Variants in TRIO observed in about 807,000 individuals in gnomAD.
TRIO encodes trio Rho guanine nucleotide exchange factor, also known as triple functional domain protein.
In TRIO, 58 loss-of-function variants were observed where a neutral mutation model predicts 351.9. The ratio of observed to expected loss-of-function variants is 0.16; its 90% confidence interval spans 0.13 to 0.21. TRIO has a LOEUF of 0.21. Ranked by LOEUF, TRIO falls within the 10% of genes least tolerant of loss-of-function variation. The pLI is 1.00. For synonymous variants in TRIO, 1,758 were observed against 1,595.7 expected (o/e 1.10, Z -2.42); for missense variants, 3,201 against 4,027.8 (o/e 0.79, Z 5.56).
intron 9 of TRIO, among the ~76,000 whole-genome samples, chr5:14,330,469 C>T (rs1359323726): frequency 6.6e-6 from 1 of 152,052 alleles, no homozygotes; most frequent in Non-Finnish European, 1.5e-5. Flanking sequence ...GTTTGGTGGC[C>T]CAGTGGTGCA....
chr5:14,317,292 C>T (rs1346059195), intron 9 of TRIO, among the ~76,000 whole-genome samples: 3 of 152,116 alleles, frequency 2.0e-5, no homozygotes, highest in Non-Finnish European at 2.9e-5. Context: ...TGTTTTGCTT[C>T]CTTATTATAG....
At chr5:14,228,843 C>T (rs1182095603) in intron 1 of TRIO, among the ~76,000 whole-genome samples, 1 of 151,940 alleles carries the variant, frequency 6.6e-6, no homozygotes. Flanking sequence ...TGCACTCCAG[C>T]CTGGGTGACA....
At chr5:14,282,652 C>T (rs1204350321) in intron 3 of TRIO, among the ~76,000 whole-genome samples, 1 of 152,130 alleles carries the variant, frequency 6.6e-6, no homozygotes, top group Non-Finnish European at 1.5e-5. Flanking sequence ...TACCCTTCAC[C>T]CAGCTTCAGC....
At chr5:14,422,370 G>T (rs1221767227) in intron 34 of TRIO, among the ~76,000 whole-genome samples, 1 of 152,210 alleles carries the variant, frequency 6.6e-6, no homozygotes, top group African/African-American at 2.4e-5. Flanking sequence ...CCTTCATTCA[G>T]TTCTAGTGTC....
At chr5:14,260,285 CTT>C (rs1014602117) in intron 1 of TRIO, among the ~76,000 whole-genome samples, 2 of 152,196 alleles carry the variant, frequency 1.3e-5, no homozygotes, top group African/African-American at 4.8e-5. Context: ...ATCTATATCT[CTT>C]TACACATAAC....
intron 33 of TRIO, 117 bp downstream of exon 33, chr5:14,406,789 G>A (rs1748758085): frequency 7.2e-6 from 7 of 973,046 alleles, no homozygotes; most frequent in African/African-American, 1.6e-5. Context: ...CAGTTGATAC[G>A]TGCCAGGAGT....
intron 1 of TRIO, among the ~76,000 whole-genome samples, chr5:14,201,849 T>A (rs1035517343): frequency 1.4e-4 from 22 of 152,150 alleles, no homozygotes; most frequent in Middle Eastern, 6.8e-3. Flanking sequence ...TCATGTTTAC[T>A]TGGCTTTGAC....
At chr5:14,432,319 C>T (rs1425293106) in intron 34 of TRIO, among the ~76,000 whole-genome samples, 2 of 152,252 alleles carry the variant, frequency 1.3e-5, no homozygotes, top group Non-Finnish European at 2.9e-5. Flanking sequence ...AGCCACTGTA[C>T]ATACTGCTGT....
At chr5:14,358,464 CTAG>C in intron 12 of TRIO, 117 bp downstream of exon 12, 9 of 1,189,326 alleles carry the variant, frequency 7.6e-6, no homozygotes, top group Non-Finnish European at 9.3e-6. Flanking sequence ...GAGTGCAGAG[CTAG>C]TAGTGTCTGT....
intron 31 of TRIO, among the ~76,000 whole-genome samples, chr5:14,403,892 A>G (rs1430103679): frequency 7.3e-5 from 3 of 41,194 alleles, no homozygotes; most frequent in Admixed American, 2.6e-4. Flanking sequence ...GGTGGTGGTG[A>G]GGGTGCAGGT....
chr5:14,346,872 G>C (rs1288337391), intron 11 of TRIO, among the ~76,000 whole-genome samples: 1 of 152,206 alleles, frequency 6.6e-6, no homozygotes, highest in Non-Finnish European at 1.5e-5. Flanking sequence ...CTCCCACACT[G>C]ATCTCCAGGT....
intron 10 of TRIO, among the ~76,000 whole-genome samples, chr5:14,333,524 T>C (rs1741101994): frequency 6.6e-6 from 1 of 152,226 alleles, no homozygotes; most frequent in African/African-American, 2.4e-5. Flanking sequence ...TTGGAGGTTT[T>C]CAATATGCAG....
Position 14,388,688 on chromosome 5 carries a change from G to GTTTTTTTTTTTTTTT in TRIO, c.3948+13_3948+27dup. On this transcript the variant is annotated intron_variant, in intron 24 of 56. Transcript: ENST00000344204. ...TCCGGGAATGTATGGATGTAAGTAAGTTTTTTTTTTTTTTTTTTGCTTGTT... is the reference window on the plus strand; with the variant it reads ...TCCGGGAATGTATGGATGTAAGTAAGTTTTTTTTTTTTTTTTTTTTTTTTTTTTTTTTTGCTTGTT... 4 of 1,440,388 alleles carry GTTTTTTTTTTTTTTT rather than the reference G, an allele frequency of 2.8e-6. No individual in the cohort carries two copies. Among genetic ancestry groups the GTTTTTTTTTTTTTTT allele is most frequent in the Non-Finnish European group, 3.7e-6 (4 of 1,078,268 alleles). 89.2% of individuals were successfully genotyped at this position (1,440,388 alleles called of 1,614,324 possible).
chr5:14,308,673 CCATCCATCCATTCATT>C (rs1366253260), intron 8 of TRIO, among the ~76,000 whole-genome samples: 4 of 116,500 alleles, frequency 3.4e-5, no homozygotes, highest in African/African-American at 5.5e-5. Context: ...ATCCATCCAT[CCATCCATCCATTCATT>C]CTCCTAATCA....
chr5:14,352,948 C>T (rs1213306312), intron 11 of TRIO, among the ~76,000 whole-genome samples: 3 of 151,886 alleles, frequency 2.0e-5, no homozygotes, highest in Non-Finnish European at 4.4e-5. Flanking sequence ...AGATTCATGG[C>T]GCTTCCCCTA....
intron 1 of TRIO, among the ~76,000 whole-genome samples, chr5:14,194,779 C>T (rs912827462): frequency 5.3e-5 from 8 of 152,142 alleles, no homozygotes; most frequent in African/African-American, 1.4e-4. Flanking sequence ...TATATGCATA[C>T]GTCTTTTAAT....
chr5:14,264,428 C>T (rs960386939), intron 1 of TRIO, among the ~76,000 whole-genome samples: 31 of 151,960 alleles, frequency 2.0e-4, no homozygotes, highest in Non-Finnish European at 1.0e-4. Context: ...TTATGAAACC[C>T]GTCCATATTC....
At chr5:14,147,187 G>T (rs1161972979) in intron 1 of TRIO, among the ~76,000 whole-genome samples, 1 of 152,114 alleles carries the variant, frequency 6.6e-6, no homozygotes, top group Non-Finnish European at 1.5e-5. Flanking sequence ...AAATGAGCTA[G>T]CCTTGTTTTA....
chr5:14,195,653 A>G (rs1396247216), intron 1 of TRIO, among the ~76,000 whole-genome samples: 5 of 152,216 alleles, frequency 3.3e-5, no homozygotes, highest in Admixed American at 6.5e-5. Context: ...TCTTCCGCTT[A>G]TTCCACTTTT....
Sources: allele counts gnomAD v4.1 joint callset (sites outside exome capture counted in the v4.1 genomes callset), GRCh38; gene constraint gnomAD v4.1.1; transcripts MANE v1.5; gene names NCBI Gene and HGNC (gene_info 2026-07-23, HGNC 2026-07-21).